Variants in EBF1 observed in about 807,000 individuals in gnomAD.
The protein encoded by EBF1 is transcription factor COE1.
Under a neutral mutation model 68.4 loss-of-function variants are expected in EBF1, and 10 were observed. That is an observed-to-expected ratio of 0.15 (90% CI 0.09 to 0.25). EBF1 has a LOEUF of 0.25. Among genes scored for constraint, EBF1 ranks in the 10% least tolerant of loss-of-function variants. EBF1 has a pLI of 1.00. For missense variants in EBF1, 509 were observed against 794.4 expected, an observed-to-expected ratio of 0.64 and a Z score of 4.32; for synonymous variants, 298 against 299.8, an observed-to-expected ratio of 0.99 and a Z score of 0.06.
intron 6 of EBF1, among the ~76,000 whole-genome samples, chr5:158,879,352 T>G (rs546209259): frequency 6.6e-6 from 1 of 152,240 alleles, no homozygotes; most frequent in East Asian, 1.9e-4. Context: ...TGCGTCAAGA[T>G]GGGTTTGGCA....
Position 158,823,294 on chromosome 5 carries a change from A to G in EBF1, c.660T>C (p.Asn220=). Residue 220 remains asparagine, a synonymous_variant, in exon 8 of 16, where the codon AAT becomes AAC. Coordinates refer to ENST00000313708, the MANE Select transcript of EBF1 (RefSeq NM_024007.5). ...AGACTGCCAGGACATGGCCATCCAC[A>G]TTGACTGTCGTAGACACCACGACCT... ...RFQVVVSTTV[N]VDGHVLAVSD... 6.2e-7 allele frequency: 1 copy of G among 1,613,848 alleles called. No homozygotes were observed. Among genetic ancestry groups the G allele is most frequent in the East Asian group, 2.2e-5 (1 of 44,888 alleles).
chr5:158,862,371 CA>C (rs1180152215), intron 6 of EBF1, among the ~76,000 whole-genome samples: 3 of 152,062 alleles, frequency 2.0e-5, no homozygotes, highest in Non-Finnish European at 4.4e-5. Flanking sequence ...AACACACAAA[CA>C]AACAAAAACT....
chr5:158,804,493 CCT>C (rs1330283215), intron 8 of EBF1, among the ~76,000 whole-genome samples: 2 of 152,110 alleles, frequency 1.3e-5, no homozygotes, highest in Non-Finnish European at 2.9e-5. Context: ...CTTTTGGATT[CCT>C]GAGTTTGTCT....
chr5:158,879,790 C>A (rs887191523), intron 6 of EBF1, among the ~76,000 whole-genome samples: 2 of 152,168 alleles, frequency 1.3e-5, no homozygotes, highest in South Asian at 4.2e-4. Context: ...GGCACCCCAG[C>A]CCTGGAGTAG....
chr5:158,868,330 T>TA (rs11404189), intron 6 of EBF1, among the ~76,000 whole-genome samples: 8,242 of 151,152 alleles, frequency 0.055, 292 homozygotes, highest in Non-Finnish European at 0.071. Flanking sequence ...ACATGCTGCC[T>TA]AAAAAAAAAT....
At chr5:159,043,771 A>G (rs2127784855) in intron 6 of EBF1, among the ~76,000 whole-genome samples, 1 of 152,310 alleles carries the variant, frequency 6.6e-6, no homozygotes, top group East Asian at 1.9e-4. Context: ...GGCACTTCAT[A>G]CGTCATGAGG....
intron 6 of EBF1, among the ~76,000 whole-genome samples, chr5:158,984,462 A>G (rs1201848625): frequency 1.3e-5 from 2 of 152,194 alleles, no homozygotes; most frequent in Non-Finnish European, 2.9e-5. Context: ...TGTGCTCAGG[A>G]CAATTCTAAT....
chr5:158,878,881 T>C (rs544386488), intron 6 of EBF1, among the ~76,000 whole-genome samples: 60 of 152,234 alleles, frequency 3.9e-4, no homozygotes, highest in African/African-American at 1.4e-3. Context: ...CGACCTCAAG[T>C]GTTCCGCCTG....
intron 6 of EBF1, among the ~76,000 whole-genome samples, chr5:158,855,054 T>A (rs1179293002): frequency 6.6e-6 from 1 of 152,126 alleles, no homozygotes; most frequent in Non-Finnish European, 1.5e-5. Flanking sequence ...AAAATATTGT[T>A]CATAACAGAG....
intron 6 of EBF1, among the ~76,000 whole-genome samples, chr5:158,991,018 A>G (rs1760206760): frequency 6.6e-6 from 1 of 152,254 alleles, no homozygotes; most frequent in African/African-American, 2.4e-5. Flanking sequence ...TCAACGTCCA[A>G]TAACTGCAGA....
chr5:158,836,137 A>G (rs568729134), intron 7 of EBF1, among the ~76,000 whole-genome samples: 1 of 152,332 alleles, frequency 6.6e-6, no homozygotes, highest in South Asian at 2.1e-4. Context: ...AAAACACCTG[A>G]GGATGACAGT....
intron 8 of EBF1, among the ~76,000 whole-genome samples, chr5:158,814,806 C>A (rs1274672372): frequency 6.6e-6 from 1 of 152,114 alleles, no homozygotes; most frequent in African/African-American, 2.4e-5. Flanking sequence ...ATCTTGCCAG[C>A]CCCACAGAAA....
At chr5:158,863,377 T>C (rs1297432944) in intron 6 of EBF1, among the ~76,000 whole-genome samples, 2 of 152,180 alleles carry the variant, frequency 1.3e-5, no homozygotes. Flanking sequence ...TCTGTCACAT[T>C]GCTCTATGAC....
intron 4 of EBF1, among the ~76,000 whole-genome samples, chr5:159,087,437 T>C (rs565798617): frequency 6.7e-6 from 1 of 149,194 alleles, no homozygotes; most frequent in South Asian, 2.1e-4. Context: ...CACACATATA[T>C]ATACATATAT....
At chr5:158,909,466 G>A (rs1430193980) in intron 6 of EBF1, among the ~76,000 whole-genome samples, 1 of 152,164 alleles carries the variant, frequency 6.6e-6, no homozygotes, top group African/African-American at 2.4e-5. Context: ...AGATAATTGT[G>A]TCACCATTAG....
At chr5:158,810,590 GT>G (rs1369621363) in intron 8 of EBF1, among the ~76,000 whole-genome samples, 1 of 152,154 alleles carries the variant, frequency 6.6e-6, no homozygotes, top group Non-Finnish European at 1.5e-5. Flanking sequence ...CCCCAGAACT[GT>G]GGATGAAAAA....
At chr5:158,998,149 C>G (rs529927296) in intron 6 of EBF1, among the ~76,000 whole-genome samples, 1 of 152,220 alleles carries the variant, frequency 6.6e-6, no homozygotes, top group East Asian at 1.9e-4. Context: ...TATACTCTAT[C>G]TTATTAAATT....
At chr5:158,721,910 T>G (rs1015884208) in intron 11 of EBF1, among the ~76,000 whole-genome samples, 1 of 152,286 alleles carries the variant, frequency 6.6e-6, no homozygotes. Flanking sequence ...TCCCTTTTTT[T>G]TTTTTATTTG....
At chr5:159,089,035 GACAA>G (rs151178814) in intron 4 of EBF1, among the ~76,000 whole-genome samples, 124 of 152,118 alleles carry the variant, frequency 8.2e-4, no homozygotes, top group Non-Finnish European at 1.4e-3. Context: ...TGGTGAAATT[GACAA>G]ACAAGCTGTC....
Sources: allele counts gnomAD v4.1 joint callset (sites outside exome capture counted in the v4.1 genomes callset), GRCh38; gene constraint gnomAD v4.1.1; transcripts MANE v1.5; gene names NCBI Gene and HGNC (gene_info 2026-07-23, HGNC 2026-07-21).